The following RIMS1 variants were observed in gnomAD, a reference collection of about 807,000 sequenced individuals.
The protein encoded by RIMS1 is regulating synaptic membrane exocytosis protein 1.
Under a neutral mutation model 214.1 loss-of-function variants are expected in RIMS1, and 83 were observed. That is an observed-to-expected ratio of 0.39 (90% CI 0.32 to 0.47). The LOEUF is 0.47. Among genes scored for constraint, RIMS1 ranks in the 20% least tolerant of loss-of-function variants. The probability of loss-of-function intolerance (pLI) is 0.99; values close to 1 mark genes in which losing one functional copy is unlikely to be tolerated. For synonymous variants in RIMS1, 793 were observed against 786.8 expected (o/e 1.01, Z -0.13); for missense variants, 2,050 against 2,161.8 (o/e 0.95, Z 1.03).
intron 19 of RIMS1, chr6:72,261,173 G>C (rs1341653685): frequency 9.8e-7 from 1 of 1,017,534 alleles, no homozygotes; most frequent in Non-Finnish European, 1.2e-6. Flanking sequence ...AGTTTGCTCT[G>C]TTTTAGCCTT....
In RIMS1 at chr6:71,892,693, G is replaced by A. The variant is rs1433482628; in HGVS notation, c.164+5506G>A. 2.6e-5 allele frequency among the ~76,000 whole-genome samples: 4 copies of A among 152,180 alleles called. No individual in the cohort carries two copies. In the East Asian group the frequency reaches 5.8e-4, roughly 22 times the overall value. ...TGTTCTGAATTTTATTTATTAAATA[G>A]GCTATTTCTAACAAAGTGTCATATG... On this transcript the variant is annotated intron_variant, in intron 1 of 33. Transcript: ENST00000521978.
intron 1 of RIMS1, among the ~76,000 whole-genome samples, chr6:71,898,379 A>AAT (rs1772526991): frequency 6.6e-6 from 1 of 152,168 alleles, no homozygotes; most frequent in African/African-American, 2.4e-5. Flanking sequence ...TCTAGACTTA[A>AAT]AATCCTTGAA....
chr6:72,079,728 T>A (rs936915454), intron 2 of RIMS1, among the ~76,000 whole-genome samples: 1 of 151,498 alleles, frequency 6.6e-6, no homozygotes, highest in Non-Finnish European at 1.5e-5. Flanking sequence ...TACAAAAAAA[T>A]TTAAAAATTA....
At position 72,249,174 on chromosome 6, in the gene RIMS1, T is replaced by A. The variant is rs556627414; in HGVS notation, c.2241+1047T>A. On this transcript the variant is annotated intron_variant, in intron 12 of 33. Transcript: ENST00000521978. Reference sequence around the variant, plus strand: ...TCAAATATGTTCTAACATATACCTATTAACAGCATATGCTTACTTAAACAT... The same window carrying A: ...TCAAATATGTTCTAACATATACCTAATAACAGCATATGCTTACTTAAACAT... Among the ~76,000 whole-genome samples, 4 of 152,320 alleles carry A rather than the reference T, an allele frequency of 2.6e-5. No homozygotes were observed. The South Asian group carries it at 8.3e-4, about 32-fold the overall frequency.
intron 29 of RIMS1, among the ~76,000 whole-genome samples, chr6:72,343,228 A>G (rs994853616): frequency 6.6e-6 from 1 of 151,856 alleles, no homozygotes; most frequent in Non-Finnish European, 1.5e-5. Context: ...TGAAATGACC[A>G]TAAGATTCTT....
chr6:71,913,215 G>A (rs1217711176), intron 1 of RIMS1, among the ~76,000 whole-genome samples: 1 of 151,992 alleles, frequency 6.6e-6, no homozygotes, highest in South Asian at 2.1e-4. Context: ...TAATATAATT[G>A]TATGTTGTAA....
rs546639438 is a variant in RIMS1 at position 71,937,921 on chromosome 6, A to G, written c.165-31062A>G. On this transcript the variant is annotated intron_variant, in intron 1 of 33. Transcript: ENST00000521978. ...CTTAACTCATTCCAGCTTCAACTCT[A>G]AAGTCCAAAATCCGGAGTCTCATCT... Among the ~76,000 whole-genome samples the G allele has an allele frequency of 3.3e-5, 5 of 152,268 alleles. No individual in the cohort carries two copies. In the East Asian group the frequency reaches 9.6e-4, roughly 29 times the overall value.
chr6:72,082,932 A>G (rs1312849762), intron 2 of RIMS1, among the ~76,000 whole-genome samples: 1 of 152,206 alleles, frequency 6.6e-6, no homozygotes, highest in East Asian at 1.9e-4. Context: ...AAGCAGGTTG[A>G]AGAGCTTTAT....
intron 4 of RIMS1, among the ~76,000 whole-genome samples, chr6:72,153,982 C>A (rs1321742212): frequency 2.6e-5 from 4 of 152,026 alleles, no homozygotes; most frequent in Non-Finnish European, 5.9e-5. Context: ...CTATTGAGAA[C>A]ATAACTCTTA....
chr6:72,109,456 G>A (rs549172655), intron 4 of RIMS1, among the ~76,000 whole-genome samples: 5 of 152,054 alleles, frequency 3.3e-5, no homozygotes, highest in African/African-American at 1.2e-4. Flanking sequence ...GGCCAGTGAT[G>A]GTGGGCATTT....
chr6:72,096,817 T>C, intron 2 of RIMS1, 132 bp from the exon 3 acceptor site: 3 of 731,834 alleles, frequency 4.1e-6, no homozygotes, highest in South Asian at 1.7e-5. Flanking sequence ...GTGGGGAAAA[T>C]AGTTTTGTAT....
intron 2 of RIMS1, among the ~76,000 whole-genome samples, chr6:71,980,962 C>T (rs142645236): frequency 7.2e-4 from 110 of 152,080 alleles, no homozygotes; most frequent in Non-Finnish European, 1.0e-3. Context: ...GAATTACATT[C>T]CTAAAGTATG....
chr6:72,272,432 A>G (rs556107884), intron 22 of RIMS1, among the ~76,000 whole-genome samples: 6 of 152,266 alleles, frequency 3.9e-5, no homozygotes, highest in African/African-American at 1.4e-4. Context: ...TGTGGGAAAA[A>G]GCAAACAGAT....
intron 2 of RIMS1, among the ~76,000 whole-genome samples, chr6:72,007,754 C>T (rs191238949): frequency 1.3e-4 from 20 of 152,026 alleles, no homozygotes; most frequent in South Asian, 2.1e-4. Context: ...CGAAATGAAG[C>T]GAGAAGAGAA....
chr6:72,271,444 T>C (rs1180480918), intron 22 of RIMS1, among the ~76,000 whole-genome samples: 1 of 151,802 alleles, frequency 6.6e-6, no homozygotes, highest in Non-Finnish European at 1.5e-5. Context: ...TTTTGGTTTC[T>C]AATGTTGTAA....
intron 31 of RIMS1, among the ~76,000 whole-genome samples, chr6:72,397,523 G>A (rs1596354447): frequency 6.6e-6 from 1 of 152,284 alleles, no homozygotes; most frequent in East Asian, 1.9e-4. Context: ...GGAGTTGGCA[G>A]TATGCATGGA....
intron 2 of RIMS1, among the ~76,000 whole-genome samples, chr6:71,985,184 G>A (rs78097026): frequency 0.012 from 1,754 of 152,226 alleles, 9 homozygotes; most frequent in Non-Finnish European, 0.017. Context: ...AGAAATTTGA[G>A]ACTAGCCTGG....
At chr6:72,245,704 C>T (rs2069185804) in intron 10 of RIMS1, 111 bp from the exon 11 acceptor site, 2 of 752,732 alleles carry the variant, frequency 2.7e-6, no homozygotes, top group African/African-American at 1.8e-5. Context: ...TATTCATTTC[C>T]ACACCTGTAA....
chr6:72,100,914 A>G (rs578252494), intron 4 of RIMS1, among the ~76,000 whole-genome samples: 41 of 152,120 alleles, frequency 2.7e-4, no homozygotes, highest in African/African-American at 7.9e-4. Context: ...GATTTTTTCT[A>G]TGAAAAAGAA....
Sources: gnomAD v4.1 joint callset for allele counts (sites outside exome capture counted in the v4.1 genomes callset) on GRCh38, gnomAD v4.1.1 for gene constraint, MANE v1.5 for transcripts, NCBI Gene and HGNC (gene_info 2026-07-23, HGNC 2026-07-21) for gene names.